Variants in CCDC171 observed in about 807,000 individuals in gnomAD.
CCDC171 encodes coiled-coil domain containing 171, also known as coiled-coil domain-containing protein 171.
In CCDC171, 177 loss-of-function variants were observed where a neutral mutation model predicts 168.2. The ratio of observed to expected loss-of-function variants is 1.05; its 90% CI spans 0.93 to 1.19. CCDC171 has a LOEUF of 1.19. Among genes scored for constraint, CCDC171 ranks in the 50% most tolerant of loss-of-function variants. The probability of loss-of-function intolerance (pLI) is 0.00; values close to 1 mark genes in which losing one functional copy is unlikely to be tolerated. For synonymous variants in CCDC171, 687 were observed against 540.8 expected (o/e 1.27, Z -3.75); for missense variants, 1,991 against 1,539.0 (o/e 1.29, Z -4.91).
chr9:15,969,109 G>T (rs1448498375), intron 25 of CCDC171, among the ~76,000 whole-genome samples: 1 of 152,090 alleles, frequency 6.6e-6, no homozygotes, highest in Non-Finnish European at 1.5e-5. Context: ...AAAATAGTGT[G>T]CAAAAAGTGA....
chr9:15,875,492 T>A (rs1259433768), intron 24 of CCDC171: 1 of 151,986 alleles, frequency 6.6e-6, no homozygotes, highest in Non-Finnish European at 1.5e-5. Context: ...CTATCAACAT[T>A]ATGTAAATTA....
At chr9:16,080,580 C>G in the CCDC171 span, among the ~76,000 whole-genome samples, 1 of 152,196 alleles carries the variant, frequency 6.6e-6, no homozygotes, top group African/African-American at 2.4e-5. Flanking sequence ...CCGGGTGATG[C>G]AGCAAGTCAA....
rs1165538456 is a variant in CCDC171, at chr9:15,890,417, C to G, written c.3600+15754C>G. On this transcript the variant is annotated intron_variant, in intron 24 of 25. Transcript: ENST00000380701. The stretch of plus-strand genomic sequence containing the variant: ...TATAAAATGCTATTGTCAGGAAATA[C>G]AAATAGGAAATATCTGGAGTTTGAG... Among the ~76,000 whole-genome samples the G allele has an allele frequency of 2.0e-5, 3 of 152,168 alleles. No homozygotes were observed. In the East Asian group the frequency reaches 5.8e-4, roughly 29 times the overall value.
chr9:16,000,764 G>A (rs1194586074), intron 3 of CCDC171, among the ~76,000 whole-genome samples: 1 of 151,676 alleles, frequency 6.6e-6, no homozygotes. Flanking sequence ...GTGCAGAAGT[G>A]TATGACAACT....
chr9:15,671,752 C>T (rs888268019), intron 9 of CCDC171, among the ~76,000 whole-genome samples: 5 of 152,142 alleles, frequency 3.3e-5, no homozygotes, highest in African/African-American at 1.2e-4. Context: ...TTAACCCAGT[C>T]TATCATTGAT....
chr9:16,008,963 G>A (rs1832783579), intron 3 of CCDC171, among the ~76,000 whole-genome samples: 1 of 151,936 alleles, frequency 6.6e-6, no homozygotes, highest in Non-Finnish European at 1.5e-5. Flanking sequence ...GCCAGTCCAG[G>A]CCCCCAACAC....
chr9:15,722,605 G>C (rs2134207431), intron 12 of CCDC171, among the ~76,000 whole-genome samples: 1 of 152,326 alleles, frequency 6.6e-6, no homozygotes, highest in South Asian at 2.1e-4. Context: ...CAGATTGTTA[G>C]AGTCAAAGAC....
chr9:15,627,526 C>T lies in CCDC171; in HGVS notation c.822+4113C>T, dbSNP rs576962395. On this transcript the variant is annotated intron_variant, in intron 7 of 25. Transcript: ENST00000380701. Reference sequence around the variant, plus strand: ...GAGTCTGGTATGTTGTGTCTTTGTTCTCATTGGTTTCAAAGAACATCTTTA... The same window carrying T: ...GAGTCTGGTATGTTGTGTCTTTGTTTTCATTGGTTTCAAAGAACATCTTTA... Among the ~76,000 whole-genome samples the T allele has an allele frequency of 2.7e-4, 41 of 152,238 alleles. No individual in the cohort carries two copies. In the South Asian group the frequency reaches 6.4e-3, roughly 24 times the overall value.
At chr9:15,613,361 G>A (rs1443470105) in intron 6 of CCDC171, among the ~76,000 whole-genome samples, 2 of 152,032 alleles carry the variant, frequency 1.3e-5, no homozygotes, top group Admixed American at 6.6e-5. Context: ...TGATATAAAT[G>A]AGTTAAGTTC....
chr9:15,963,000 G>T (rs1475764935), intron 25 of CCDC171, among the ~76,000 whole-genome samples: 1 of 151,412 alleles, frequency 6.6e-6, no homozygotes, highest in Non-Finnish European at 1.5e-5. Flanking sequence ...TTTACCTCAC[G>T]TTTAAAATAG....
intron 6 of CCDC171, among the ~76,000 whole-genome samples, chr9:15,597,676 G>A (rs1229880154): frequency 1.3e-5 from 2 of 152,168 alleles, no homozygotes; most frequent in African/African-American, 4.8e-5. Context: ...AGTTAGGGAG[G>A]ATTCCCTCTT....
the CCDC171 span, among the ~76,000 whole-genome samples, chr9:16,095,899 T>TATATAC: frequency 7.9e-4 from 111 of 140,200 alleles, 1 homozygote; most frequent in Non-Finnish European, 1.4e-3. Context: ...TATATATATA[T>TATATAC]ACTGCCTCCA....
chr9:15,968,739 A>C (rs1293652080), intron 25 of CCDC171, among the ~76,000 whole-genome samples: 2 of 152,016 alleles, frequency 1.3e-5, no homozygotes, highest in Admixed American at 1.3e-4. Context: ...AGGTTCCACC[A>C]TGTTGGCCAG....
the CCDC171 span, among the ~76,000 whole-genome samples, chr9:16,096,497 A>ATG: frequency 1.3e-5 from 2 of 152,160 alleles, no homozygotes; most frequent in Non-Finnish European, 2.9e-5. Flanking sequence ...TTTGGTTAGT[A>ATG]TGTGCCTCTA....
At chr9:16,059,982 A>C (rs1833907074) in intron 1 of CCDC171, among the ~76,000 whole-genome samples, 1 of 152,194 alleles carries the variant, frequency 6.6e-6, no homozygotes, top group African/African-American at 2.4e-5. Context: ...TGTGTGAAAA[A>C]CAAATAATGA....
intron 7 of CCDC171, among the ~76,000 whole-genome samples, chr9:15,649,626 C>T (rs1228135938): frequency 1.3e-5 from 2 of 152,186 alleles, no homozygotes; most frequent in Non-Finnish European, 2.9e-5. Flanking sequence ...GACATTTATG[C>T]AGCCAACAGA....
chr9:15,568,817 T>C (rs536618681), intron 2 of CCDC171, among the ~76,000 whole-genome samples: 1 of 152,358 alleles, frequency 6.6e-6, no homozygotes, highest in Admixed American at 6.5e-5. Context: ...GTCAGATGTA[T>C]AATTTGCAAA....
intron 22 of CCDC171, among the ~76,000 whole-genome samples, chr9:15,847,740 G>A (rs988375398): frequency 5.9e-5 from 9 of 152,004 alleles, no homozygotes; most frequent in African/African-American, 2.2e-4. Flanking sequence ...TATGAATATA[G>A]TCTGTAAACT....
At chr9:16,080,750 A>T in the CCDC171 span, among the ~76,000 whole-genome samples, 3 of 152,128 alleles carry the variant, frequency 2.0e-5, no homozygotes, top group African/African-American at 7.2e-5. Flanking sequence ...GCCCCTATCT[A>T]GTAGAAATAC....
Sources: allele counts gnomAD v4.1 joint callset (sites outside exome capture counted in the v4.1 genomes callset), GRCh38; gene constraint gnomAD v4.1.1; transcripts MANE v1.5; gene names NCBI Gene and HGNC (gene_info 2026-07-23, HGNC 2026-07-21).